ETFA: variants seen among roughly 807,000 people sequenced by gnomAD.
ETFA encodes the protein electron transfer flavoprotein subunit alpha, mitochondrial.
In ETFA, 22 loss-of-function variants were observed where a neutral mutation model predicts 46.2. The ratio of observed to expected loss-of-function variants is 0.48; its 90% CI spans 0.34 to 0.68. The LOEUF (loss-of-function observed/expected upper bound fraction) is 0.68, where lower values mean the gene tolerates loss of function less well. Ranked by LOEUF, ETFA falls within the 30% of genes least tolerant of loss-of-function variation. ETFA has a pLI of 0.01. For missense variants in ETFA, 345 were observed against 401.1 expected (o/e 0.86, Z 1.19); for synonymous variants, 131 against 139.9 (o/e 0.94, Z 0.45).
intron 9 of ETFA, among the ~76,000 whole-genome samples, chr15:76,233,490 CA>C (rs2039091561): frequency 6.6e-6 from 1 of 151,986 alleles, no homozygotes; most frequent in Non-Finnish European, 1.5e-5. Context: ...CCACCCCACC[CA>C]GCTAATTTTT....
chr15:76,259,207 T>A, intron 9 of ETFA: 1 of 1,542,552 alleles, frequency 6.5e-7, no homozygotes, highest in Non-Finnish European at 9.0e-7. Context: ...AGCTCCAGGC[T>A]GCCTCCCACA....
intron 9 of ETFA, among the ~76,000 whole-genome samples, chr15:76,257,152 G>GC (rs996476413): frequency 1.3e-5 from 2 of 152,054 alleles, no homozygotes; most frequent in African/African-American, 2.4e-5. Context: ...GTTAGGACCC[G>GC]CCCCATGCAT....
intron 2 of ETFA, among the ~76,000 whole-genome samples, chr15:76,293,777 A>C (rs897229544): frequency 2.6e-5 from 4 of 152,264 alleles, no homozygotes; most frequent in Non-Finnish European, 4.4e-5. Flanking sequence ...GAAAGGATGC[A>C]GTGCAAGAAT....
At chr15:76,306,311 G>A (rs2456060) in intron 1 of ETFA, among the ~76,000 whole-genome samples, 1 of 128,384 alleles carries the variant, frequency 7.8e-6, no homozygotes, top group Non-Finnish European at 1.6e-5. Context: ...CAGTCGCCCA[G>A]ACTGCAGTGC....
At chr15:76,239,800 A>G (rs1244670664) in intron 9 of ETFA, among the ~76,000 whole-genome samples, 1 of 152,142 alleles carries the variant, frequency 6.6e-6, no homozygotes, top group Non-Finnish European at 1.5e-5. Context: ...AAAAAAAAAA[A>G]AAAGTATTGT....
chr15:76,252,363 T>C (rs969968065), intron 9 of ETFA, among the ~76,000 whole-genome samples: 1 of 152,206 alleles, frequency 6.6e-6, no homozygotes, highest in Non-Finnish European at 1.5e-5. Context: ...CCAGAATTTT[T>C]ATTTACACAC....
intron 1 of ETFA, among the ~76,000 whole-genome samples, chr15:76,310,538 T>C (rs2039986889): frequency 1.3e-5 from 2 of 152,182 alleles, no homozygotes; most frequent in Admixed American, 1.3e-4. Context: ...AGTCTCCAAA[T>C]ACTCCTTTCC....
chr15:76,269,063 G>T (rs1418291504), intron 9 of ETFA, among the ~76,000 whole-genome samples: 1 of 152,180 alleles, frequency 6.6e-6, no homozygotes, highest in African/African-American at 2.4e-5. Flanking sequence ...CTCTTAAGTG[G>T]ATTAAGGCCA....
At position 76,269,848 on chromosome 15, in the gene ETFA, G is replaced by A. The variant is rs78247410; in HGVS notation, c.816+4564C>T. On this transcript the variant is annotated intron_variant, in intron 9 of 11. Coordinates refer to ENST00000557943, the MANE Select transcript of ETFA (RefSeq NM_000126.4). Reference sequence around the variant, plus strand: ...CTGTGAGAAAATATTTGTAAAACCCGTATCTAACAAGAAACTTGTAAAGGA... The same window carrying A: ...CTGTGAGAAAATATTTGTAAAACCCATATCTAACAAGAAACTTGTAAAGGA... 5.9e-3 allele frequency among the ~76,000 whole-genome samples: 894 copies of A among 152,148 alleles called. 23 individuals are homozygous for A. Among genetic ancestry groups the A allele is most frequent in the East Asian group, 0.041 (210 of 5,184 alleles).
At chr15:76,283,681 C>A (rs568799671) in intron 8 of ETFA, 76 bp downstream of exon 8, 169 of 1,049,584 alleles carry the variant, frequency 1.6e-4, no homozygotes, top group Non-Finnish European at 2.3e-4. Flanking sequence ...GAAAGACTTA[C>A]ACAAAAATGA....
chr15:76,238,718 C>T (rs1303297866), intron 9 of ETFA, among the ~76,000 whole-genome samples: 1 of 152,158 alleles, frequency 6.6e-6, no homozygotes, highest in Non-Finnish European at 1.5e-5. Context: ...TTATTGGAGC[C>T]TCCTGTGCAT....
At chr15:76,231,271 A>G in intron 10 of ETFA, 62 bp downstream of exon 10, 1 of 1,018,634 alleles carries the variant, frequency 9.8e-7, no homozygotes, top group Non-Finnish European at 1.6e-6. Context: ...GGAAACATAC[A>G]AGGTAAGCCA....
At chr15:76,259,826 AAGGGGTTCTCCCCAAGCC>A in intron 9 of ETFA, 2 of 1,552,084 alleles carry the variant, frequency 1.3e-6, no homozygotes, top group Non-Finnish European at 1.8e-6. Context: ...GATCAGGGTA[AAGGGGTTCTCCCCAAGCC>A]AGGAGGTGAG....
At chr15:76,242,266 A>G (rs930434057) in intron 9 of ETFA, among the ~76,000 whole-genome samples, 4 of 152,220 alleles carry the variant, frequency 2.6e-5, no homozygotes, top group Non-Finnish European at 5.9e-5. Context: ...TCTTTATTTC[A>G]TCAATGATAA....
At chr15:76,288,083 A>C in intron 4 of ETFA, 138 bp from the exon 5 acceptor site, 1 of 664,118 alleles carries the variant, frequency 1.5e-6, no homozygotes, top group African/African-American at 1.8e-5. Flanking sequence ...GCACCTTTGG[A>C]TACACAACTT....
At chr15:76,261,060 A>T in intron 9 of ETFA, 1 of 1,561,474 alleles carries the variant, frequency 6.4e-7, no homozygotes, top group Non-Finnish European at 8.8e-7. Flanking sequence ...AACAGTGGCT[A>T]TGCGAGAAGA....
At chr15:76,257,260 C>A (rs915339070) in intron 9 of ETFA, among the ~76,000 whole-genome samples, 14 of 152,106 alleles carry the variant, frequency 9.2e-5, no homozygotes, top group African/African-American at 3.4e-4. Context: ...AAAAGGCTGT[C>A]CAGTTAGAGG....
intron 6 of ETFA, among the ~76,000 whole-genome samples, chr15:76,286,146 A>T (rs1455806889): frequency 6.6e-6 from 1 of 152,178 alleles, no homozygotes; most frequent in Non-Finnish European, 1.5e-5. Flanking sequence ...TCTGTCTCCC[A>T]CTCCCTTGAT....
intron 8 of ETFA, among the ~76,000 whole-genome samples, chr15:76,276,278 T>C (rs1299852168): frequency 2.0e-5 from 3 of 152,090 alleles, no homozygotes; most frequent in South Asian, 2.1e-4. Context: ...TACTACACTC[T>C]CTTCTGCTTG....
Sources: gnomAD v4.1 joint callset for allele counts (sites outside exome capture counted in the v4.1 genomes callset) on GRCh38, gnomAD v4.1.1 for gene constraint, MANE v1.5 for transcripts, NCBI Gene and HGNC (gene_info 2026-07-23, HGNC 2026-07-21) for gene names.